Variants in FBXW4 observed in about 807,000 individuals in gnomAD.
FBXW4 encodes F-box and WD repeat domain containing 4, also known as F-box/WD repeat-containing protein 4.
In FBXW4, 40 loss-of-function variants were observed where a neutral mutation model predicts 61.8. The observed-to-expected ratio is 0.65, with a 90% CI of 0.50 to 0.84. The LOEUF is 0.84. FBXW4 is among the 40% of genes least tolerant of loss of function. The pLI is 0.00. For synonymous variants in FBXW4, 311 were observed against 313.8 expected (o/e 0.99, Z 0.10); for missense variants, 672 against 753.8 (o/e 0.89, Z 1.27).
At chr10:101,667,794 A>G in intron 5 of FBXW4, 92 bp downstream of exon 5, 1 of 1,162,082 alleles carries the variant, frequency 8.6e-7, no homozygotes, top group Middle Eastern at 2.0e-4. Flanking sequence ...AACCTAGAAT[A>G]CACAACAGGA....
intron 2 of FBXW4, among the ~76,000 whole-genome samples, chr10:101,674,003 A>G (rs2064384340): frequency 6.6e-6 from 1 of 152,210 alleles, no homozygotes; most frequent in African/African-American, 2.4e-5. Context: ...CAGAGCTTAC[A>G]AAATTCAACG....
chr10:101,634,061 C>T (rs1360602668), intron 5 of FBXW4, among the ~76,000 whole-genome samples: 2 of 151,878 alleles, frequency 1.3e-5, no homozygotes, highest in East Asian at 3.9e-4. Context: ...TGTAGTGAGC[C>T]AAGATCGCAC....
rs1252877818 is a variant in FBXW4, at chr10:101,612,354, G to C, written c.1425C>G (p.Asp475Glu). ...CGYDTYVRYW[D>E]LRTSVRKCVM... ...ACACTCACCGGACGCTGGTGCGGAG[G>C]TCCCAGTAGCGAACATAGGTGTCAT... The change falls in exon 7 of 9, where the codon GAC becomes GAG. Residue 475 changes from aspartate (D) to glutamate (E), a missense_variant. Physicochemically the swap from Asp to Glu is conservative, Grantham distance 45. Transcript: ENST00000331272. 1 of 1,580,290 alleles carries C rather than the reference G, an allele frequency of 6.3e-7. No homozygotes were observed. The highest frequency in any genetic ancestry group is 8.6e-7 in the Non-Finnish European group (1 of 1,161,120).
chr10:101,673,222 G>A (rs188390834), intron 3 of FBXW4, among the ~76,000 whole-genome samples, 175 bp from the exon 4 acceptor site: 69 of 152,298 alleles, frequency 4.5e-4, no homozygotes, highest in African/African-American at 1.6e-3. Context: ...CAGCACACCT[G>A]GGGCTGAACA....
At chr10:101,635,767 G>T (rs2063995862) in intron 5 of FBXW4, among the ~76,000 whole-genome samples, 1 of 151,784 alleles carries the variant, frequency 6.6e-6, no homozygotes, top group Middle Eastern at 3.4e-3. Flanking sequence ...CTTGAGCCCA[G>T]GAGGTCAAGG....
intron 4 of FBXW4, among the ~76,000 whole-genome samples, chr10:101,672,619 G>C (rs951853518): frequency 1.3e-5 from 2 of 152,140 alleles, no homozygotes; most frequent in African/African-American, 4.8e-5. Context: ...CAAACTTGAG[G>C]AAACGCAACT....
intron 1 of FBXW4, among the ~76,000 whole-genome samples, chr10:101,687,603 C>G (rs983285878): frequency 1.3e-5 from 2 of 152,182 alleles, no homozygotes; most frequent in Non-Finnish European, 1.5e-5. Flanking sequence ...TTTAATCTAC[C>G]AATCTCCAAG....
intron 6 of FBXW4, among the ~76,000 whole-genome samples, chr10:101,619,131 A>G (rs1010093803): frequency 5.9e-5 from 9 of 152,188 alleles, no homozygotes; most frequent in African/African-American, 2.2e-4. Flanking sequence ...ATAGTTCCTC[A>G]GGGCCTGATG....
intron 5 of FBXW4, among the ~76,000 whole-genome samples, chr10:101,636,829 T>TCCGC: frequency 6.6e-6 from 1 of 152,030 alleles, no homozygotes; most frequent in African/African-American, 2.4e-5. Flanking sequence ...CCTCAGGTGA[T>TCCGC]CCACCTGCTT....
chr10:101,612,440 G>C lies in FBXW4; in HGVS notation c.1339C>G (p.Pro447Ala). 1 of 1,593,890 alleles carries C rather than the reference G, an allele frequency of 6.3e-7. No homozygotes were observed. The highest frequency in any genetic ancestry group is 8.5e-7 in the Non-Finnish European group (1 of 1,169,738). ...LMTHLGSDFPPGAGVLDVMYE... is the reference protein window; with the variant it reads ...LMTHLGSDFPAGAGVLDVMYE... ...ATGACATCCAGCACCCCAGCCCCTG[G>C]GGGAAAGTCACTGCCCAAGTGTGTC... Residue 447 changes from proline (P) to alanine (A), a missense_variant, in exon 7 of 9, where the codon CCA becomes GCA. Pro to Ala is a conservative substitution (Grantham distance 27, BLOSUM62 -1). Around this residue, in one of 5 missense-constraint regions of FBXW4, gnomAD observed 312 missense variants for 370.1 expected, o/e 0.84. Coordinates refer to ENST00000331272, the MANE Select transcript of FBXW4 (RefSeq NM_022039.4).
chr10:101,694,996 C>T lies in FBXW4; in HGVS notation c.110G>A (p.Arg37Lys). Reference protein sequence around the residue: ...QEGRVARGKRRKGKGKGKARA... With the variant: ...QEGRVARGKRKKGKGKGKARA... Reference sequence around the variant, plus strand: ...CGCTTTTCCCTTCCCCTTCCCCTTCCTTCGCTTCCCCCTCGCCACCCTCCC... The same window carrying T: ...CGCTTTTCCCTTCCCCTTCCCCTTCTTTCGCTTCCCCCTCGCCACCCTCCC... The change falls in exon 1 of 9, where the codon AGG becomes AAG. Residue 37 changes from arginine to lysine, a missense_variant. By Grantham distance (26) the Arg-to-Lys change is conservative. Around this residue, in one of 5 missense-constraint regions of FBXW4, gnomAD observed 38 missense variants for 43.3 expected, o/e 0.88. Transcript: ENST00000331272. This position sits in a 1 kb window ranked among gnomAD's most constrained non-coding sequence, Gnocchi z 6.0. 1 of 1,130,218 alleles carries T rather than the reference C, an allele frequency of 8.8e-7. No individual in the cohort carries two copies. Among genetic ancestry groups the T allele is most frequent in the Non-Finnish European group, 1.1e-6 (1 of 921,788 alleles). 70.0% of individuals were successfully genotyped at this position (1,130,218 alleles called of 1,614,324 possible).
In FBXW4 at chr10:101,641,083, G is replaced by A. The variant is rs529094105; in HGVS notation, c.1236-16273C>T. ...TGACCTCAGGTGATCCACCCACCTC[G>A]GCCTCCCAAAGTGCTGGGATTACAG... On this transcript the variant is annotated intron_variant, in intron 5 of 8. Coordinates refer to ENST00000331272, the MANE Select transcript of FBXW4 (RefSeq NM_022039.4). 1.2e-3 allele frequency among the ~76,000 whole-genome samples: 185 copies of A among 152,080 alleles called. 3 individuals carry two copies. Among genetic ancestry groups the A allele is most frequent in the Non-Finnish European group, 2.3e-3 (159 of 67,994 alleles).
intron 5 of FBXW4, among the ~76,000 whole-genome samples, chr10:101,637,358 C>G (rs1472797456): frequency 7.5e-6 from 1 of 132,870 alleles, no homozygotes; most frequent in East Asian, 2.2e-4. Context: ...TGCCACTGCA[C>G]TCCAGCCTGG....
At position 101,673,049 on chromosome 10, in the gene FBXW4, TAGGAGAGAAATA is replaced by T; in HGVS notation, c.1008-14_1008-3del. 1.2e-6 allele frequency: 2 copies of T among 1,613,436 alleles called. No homozygotes were observed. The highest frequency in any genetic ancestry group is 1.7e-6 in the Non-Finnish European group (2 of 1,179,846). On this transcript the variant is annotated splice_polypyrimidine_tract_variant and splice_region_variant and intron_variant, in intron 3 of 8. Coordinates refer to ENST00000331272, the MANE Select transcript of FBXW4 (RefSeq NM_022039.4). Reference sequence around the variant, plus strand: ...TTATGAATGCCAATCTTCCCATCCCTAGGAGAGAAATAAGGAGCCGACCCCCAAGAACCAATT... The same window carrying T: ...TTATGAATGCCAATCTTCCCATCCCTAGGAGCCGACCCCCAAGAACCAATT...
At chr10:101,638,566 AT>A (rs1463269703) in intron 5 of FBXW4, among the ~76,000 whole-genome samples, 2 of 151,936 alleles carry the variant, frequency 1.3e-5, no homozygotes, top group African/African-American at 4.8e-5. Flanking sequence ...TATTCTATAT[AT>A]TTTAAATTGT....
At chr10:101,667,185 G>A (rs2064310657) in intron 5 of FBXW4, among the ~76,000 whole-genome samples, 1 of 149,866 alleles carries the variant, frequency 6.7e-6, no homozygotes, top group Non-Finnish European at 1.5e-5. Context: ...GAGCTGAGAT[G>A]GCACCACTGC....
chr10:101,693,549 T>A (rs11591384), intron 1 of FBXW4, among the ~76,000 whole-genome samples: 24,750 of 152,192 alleles, frequency 0.16, 2,060 homozygotes, highest in Admixed American at 0.21. Context: ...GATGGTATTA[T>A]GGCTTTTTAT....
At chr10:101,616,210 C>A (rs982812761) in intron 6 of FBXW4, among the ~76,000 whole-genome samples, 1 of 152,172 alleles carries the variant, frequency 6.6e-6, no homozygotes, top group Non-Finnish European at 1.5e-5. Flanking sequence ...GAGTTGACCA[C>A]CTTCCATCTC....
rs1211587121 is a variant in FBXW4, at chr10:101,611,140, G to A, written c.*151C>T. The A allele has an allele frequency of 9.9e-7, 1 of 1,010,586 alleles. No individual in the cohort carries two copies. Among genetic ancestry groups the A allele is most frequent in the Non-Finnish European group, 1.4e-6 (1 of 697,176 alleles). The allele number at this position is 1,010,586 out of a possible 1,614,324, so 62.6% of individuals were successfully genotyped here. A position where few individuals can be genotyped will look rare whatever the true frequency, so the allele number is the denominator to read the frequency against. Reference sequence around the variant, plus strand: ...GTAAGCTCCAAAGTCCCAGGAGTCAGAAGCCTCTAGTGCAAGGTGCCTGAG... The same window carrying A: ...GTAAGCTCCAAAGTCCCAGGAGTCAAAAGCCTCTAGTGCAAGGTGCCTGAG... On this transcript the variant is annotated 3_prime_UTR_variant, in exon 9 of 9. Transcript: ENST00000331272. The surrounding 1 kb of genome is among the most constrained non-coding windows in gnomAD (Gnocchi z 4.9).
Sources: gnomAD v4.1 joint callset for allele counts (sites outside exome capture counted in the v4.1 genomes callset) on GRCh38, gnomAD v4.1.1 for gene constraint, gnomAD v4.1.1 regional missense constraint, Gnocchi (gnomAD v3.1) non-coding constraint, MANE v1.5 for transcripts, NCBI Gene and HGNC (gene_info 2026-07-23, HGNC 2026-07-21) for gene names.